Variants in XIRP2 observed in about 807,000 individuals in gnomAD.
XIRP2 encodes xin actin-binding repeat-containing protein 2.
A neutral mutation model predicts 277.0 loss-of-function variants in XIRP2; 236 were observed. The observed-to-expected ratio is 0.85, with a 90% CI of 0.77 to 0.95. XIRP2 has a LOEUF of 0.95. XIRP2 is among the 40% of genes least tolerant of loss of function. The pLI is 0.00. For missense variants in XIRP2, 4,640 were observed against 4,157.5 expected (o/e 1.12, Z -3.19); for synonymous variants, 1,490 against 1,416.5 (o/e 1.05, Z -1.17).
intron 2 of XIRP2, among the ~76,000 whole-genome samples, chr2:167,109,645 G>C (rs887286604): frequency 3.3e-5 from 5 of 152,150 alleles, no homozygotes; most frequent in African/African-American, 1.2e-4. Flanking sequence ...TGTCTTTGCT[G>C]TTGTGAATAG....
chr2:166,962,476 A>G (rs1351488644), intron 2 of XIRP2, among the ~76,000 whole-genome samples: 1 of 151,736 alleles, frequency 6.6e-6, no homozygotes, highest in African/African-American at 2.4e-5. Context: ...AATTATCTGG[A>G]GAGGCAGAAA....
intron 3 of XIRP2, among the ~76,000 whole-genome samples, chr2:167,183,937 T>C (rs1415135665): frequency 1.3e-5 from 2 of 152,186 alleles, no homozygotes; most frequent in Admixed American, 1.3e-4. Flanking sequence ...AATTTATTTA[T>C]TTATTTTTTT....
chr2:167,032,395 A>T (rs1438036045), intron 2 of XIRP2, among the ~76,000 whole-genome samples: 1 of 152,214 alleles, frequency 6.6e-6, no homozygotes, highest in East Asian at 1.9e-4. Context: ...GTGGGCAAAG[A>T]CTTCATGACT....
intron 2 of XIRP2, among the ~76,000 whole-genome samples, chr2:166,926,515 TCTCTGC>T (rs1237497025): frequency 1.3e-5 from 2 of 152,120 alleles, no homozygotes; most frequent in Non-Finnish European, 2.9e-5. Context: ...TCCTCAATAA[TCTCTGC>T]CTTTATAACA....
chr2:167,211,987 A>G (rs1251586141), intron 4 of XIRP2, among the ~76,000 whole-genome samples: 2 of 152,180 alleles, frequency 1.3e-5, no homozygotes, highest in African/African-American at 4.8e-5. Context: ...GAGAGAGAGA[A>G]AAGCCAAAAA....
intron 3 of XIRP2, among the ~76,000 whole-genome samples, chr2:167,166,490 G>T (rs1206149852): frequency 4.6e-5 from 7 of 152,112 alleles, no homozygotes; most frequent in African/African-American, 1.7e-4. Context: ...TGATGGTTGT[G>T]TTCATCTGTT....
chr2:167,091,641 T>C (rs1690151807), intron 2 of XIRP2, among the ~76,000 whole-genome samples: 2 of 152,160 alleles, frequency 1.3e-5, no homozygotes, highest in South Asian at 4.1e-4. Flanking sequence ...CTAAGTTTTT[T>C]ATGGCTTCTA....
intron 2 of XIRP2, among the ~76,000 whole-genome samples, chr2:167,095,185 A>C (rs113947618): frequency 0.031 from 4,768 of 152,288 alleles, 87 homozygotes; most frequent in East Asian, 0.05. Flanking sequence ...ACTTTGCTGA[A>C]GCTGCTTATC....
At chr2:166,905,125 A>G (rs1179056652) in intron 2 of XIRP2, among the ~76,000 whole-genome samples, 2 of 152,014 alleles carry the variant, frequency 1.3e-5, no homozygotes. Flanking sequence ...CACAGGTGCA[A>G]TCATTTTTGT....
intron 2 of XIRP2, among the ~76,000 whole-genome samples, chr2:167,034,829 G>A (rs566341316): frequency 1.2e-4 from 18 of 152,270 alleles, no homozygotes; most frequent in Admixed American, 9.8e-4. Flanking sequence ...GATATGGTTT[G>A]GCTGTGTCCC....
chr2:166,954,731 C>A (rs923802036), intron 2 of XIRP2, among the ~76,000 whole-genome samples: 1 of 151,852 alleles, frequency 6.6e-6, no homozygotes, highest in Non-Finnish European at 1.5e-5. Flanking sequence ...TAGAATACTA[C>A]GCAGTCGTGA....
At chr2:167,003,347 G>A (rs1335963398) in intron 2 of XIRP2, among the ~76,000 whole-genome samples, 1 of 151,874 alleles carries the variant, frequency 6.6e-6, no homozygotes, top group Non-Finnish European at 1.5e-5. Flanking sequence ...TGAAAAAGAT[G>A]CCTGAAAAGT....
intron 2 of XIRP2, among the ~76,000 whole-genome samples, chr2:167,030,103 T>C (rs185962581): frequency 2.6e-5 from 4 of 152,146 alleles, no homozygotes; most frequent in African/African-American, 9.7e-5. Context: ...TTCTTCCCTC[T>C]TTTATTCTTT....
intron 2 of XIRP2, among the ~76,000 whole-genome samples, chr2:167,056,255 T>A (rs1187641361): frequency 3.9e-5 from 6 of 152,136 alleles, no homozygotes; most frequent in Admixed American, 1.3e-4. Context: ...ATTTTTCTCA[T>A]CTCCTCTGAA....
intron 3 of XIRP2, among the ~76,000 whole-genome samples, chr2:167,178,061 G>A (rs1323355820): frequency 3.3e-5 from 5 of 151,526 alleles, no homozygotes; most frequent in Admixed American, 2.0e-4. Flanking sequence ...CAAATGTGGA[G>A]CACTGGGTAT....
intron 2 of XIRP2, among the ~76,000 whole-genome samples, chr2:166,985,478 T>G (rs1196511618): frequency 6.6e-6 from 1 of 151,936 alleles, no homozygotes; most frequent in Non-Finnish European, 1.5e-5. Context: ...TCGCCCAGGC[T>G]GGAGTGCAGT....
Position 167,243,048 on chromosome 2 carries a change from T to C in XIRP2, c.1656T>C (p.Ser552=). 1 of 1,614,014 alleles carries C rather than the reference T, an allele frequency of 6.2e-7. No individual in the cohort carries two copies. Among genetic ancestry groups the C allele is most frequent in the South Asian group, 1.1e-5 (1 of 91,072 alleles). ...ATGTTTTTGAAAACACAAATGACAG[T>C]TCTCAAAAAGATCTGAACTCAGAAA... ...ARYVFENTND[S]SQKDLNSERE... The change falls in exon 9 of 11, where the codon AGT becomes AGC. Residue 552 remains serine (S), a synonymous_variant. Coordinates refer to ENST00000409195, the MANE Select transcript of XIRP2 (RefSeq NM_152381.6).
chr2:166,915,928 C>A (rs1684863300), intron 2 of XIRP2, among the ~76,000 whole-genome samples: 1 of 152,174 alleles, frequency 6.6e-6, no homozygotes, highest in African/African-American at 2.4e-5. Flanking sequence ...GAAGCACCAT[C>A]ACCATATACA....
chr2:167,095,393 G>C (rs1393113181), intron 2 of XIRP2, among the ~76,000 whole-genome samples: 2 of 152,108 alleles, frequency 1.3e-5, no homozygotes, highest in Non-Finnish European at 2.9e-5. Flanking sequence ...TCTTGTGCCG[G>C]TTTTCAAAGG....
Sources: allele counts gnomAD v4.1 joint callset (sites outside exome capture counted in the v4.1 genomes callset), GRCh38; gene constraint gnomAD v4.1.1; transcripts MANE v1.5; gene names NCBI Gene and HGNC (gene_info 2026-07-23, HGNC 2026-07-21).